Variants in SAGE1 observed in about 807,000 individuals in gnomAD.
SAGE1 encodes sarcoma antigen 1, also known as cancer/testis antigen 14.
SAGE1 carries 55 observed loss-of-function variants against 55.4 expected under a neutral mutation model. The ratio of observed to expected loss-of-function variants is 0.99; its 90% CI spans 0.80 to 1.24. SAGE1 has a LOEUF of 1.24. Among genes scored for constraint, SAGE1 ranks in the 50% most tolerant of loss-of-function variants. The pLI is 0.00. For missense variants in SAGE1, 710 were observed against 704.4 expected, an observed-to-expected ratio of 1.01 and a Z score of -0.09; for synonymous variants, 240 against 244.3, an observed-to-expected ratio of 0.98 and a Z score of 0.17.
chrX:135,904,118 T>C (rs1416435655), intron 3 of SAGE1, among the ~76,000 whole-genome samples: 3 of 111,567 alleles, frequency 2.7e-5, no homozygotes, highest in Non-Finnish European at 3.8e-5. Flanking sequence ...GAAGAGAAGG[T>C]AAAAAATGGC....
rs1433121636 is a variant in SAGE1, at chrX:135,912,895, T to TA, written c.2715dup. 28 of 1,158,179 alleles carry TA rather than the reference T, an allele frequency of 2.4e-5. No individual in the cohort carries two copies. Among genetic ancestry groups the TA allele is most frequent in the Non-Finnish European group, 3.1e-5 (26 of 849,628 alleles). The change falls in exon 20 of 20, where the codon TAA becomes TAAA. Residue 905 remains the stop codon, a frameshift_variant and stop_retained_variant. Coordinates refer to ENST00000370709, the MANE Select transcript of SAGE1 (RefSeq NM_001381902.1). LOFTEE classifies it high-confidence loss of function. ...LRKVKHMRKR[*] is the part of the protein sequence containing the mutation. Reference sequence around the variant, plus strand: ...AAAAGTTAAGCACATGAGAAAAAGATAATTGTGTTAGTGCAAAGACCAAGG... The same window carrying TA: ...AAAAGTTAAGCACATGAGAAAAAGATAAATTGTGTTAGTGCAAAGACCAAGG...
intron 1 of SAGE1, among the ~76,000 whole-genome samples, chrX:135,895,045 C>T (rs1556592571): frequency 1.8e-5 from 2 of 111,308 alleles, no homozygotes; most frequent in Non-Finnish European, 3.8e-5. Flanking sequence ...TTAACCAGCA[C>T]ATACACTATC....
intron 6 of SAGE1, 114 bp downstream of exon 6, chrX:135,906,278 G>T (rs1340092763): frequency 9.5e-7 from 1 of 1,056,280 alleles, no homozygotes; most frequent in Non-Finnish European, 1.3e-6. Context: ...AATCTGAGGG[G>T]TCTCACATCA....
At chrX:135,911,058 G>A in intron 16 of SAGE1, 134 bp from the exon 17 acceptor site, 1 of 672,207 alleles carries the variant, frequency 1.5e-6, no homozygotes, top group Non-Finnish European at 2.2e-6. Flanking sequence ...CAATTTCAGG[G>A]TCTCTGATTG....
intron 19 of SAGE1, 126 bp downstream of exon 19, chrX:135,912,540 A>G: frequency 8.6e-7 from 1 of 1,160,061 alleles, no homozygotes; most frequent in Non-Finnish European, 1.1e-6. Context: ...TGCTATTTCC[A>G]CAGGCATTTA....
chrX:135,901,337 A>G (rs1448983743), intron 2 of SAGE1, among the ~76,000 whole-genome samples: 1 of 111,189 alleles, frequency 9.0e-6, no homozygotes, highest in African/African-American at 3.3e-5. Flanking sequence ...TTGACTTTGG[A>G]TAACACCTTG....
intron 14 of SAGE1, 98 bp from the exon 15 acceptor site, chrX:135,909,932 T>C: frequency 1.1e-5 from 11 of 1,021,231 alleles, no homozygotes; most frequent in Non-Finnish European, 1.5e-5. Flanking sequence ...TCCGGCTTTA[T>C]GATATACTTT....
intron 2 of SAGE1, among the ~76,000 whole-genome samples, chrX:135,900,801 T>C (rs1306089301): frequency 9.0e-6 from 1 of 111,106 alleles, no homozygotes; most frequent in Non-Finnish European, 1.9e-5. Flanking sequence ...TCATTATCTA[T>C]ATGTATCATC....
Position 135,911,310 on chromosome X carries a change from A to G in SAGE1, c.2124A>G (p.Ser708=). ...GCINLSGAGI[S]CRSTRDLYAT... ...TTAATCTGTCAGGAGCTGGTATTTC[A>G]TGCAGAAGTACCAGGGATCTGTGTA... The change falls in exon 17 of 20, where the codon TCA becomes TCG. Residue 708 remains serine, a synonymous_variant. Coordinates refer to ENST00000370709, the MANE Select transcript of SAGE1 (RefSeq NM_001381902.1). The G allele has an allele frequency of 1.7e-6, 2 of 1,208,278 alleles. No individual in the cohort carries two copies. The highest frequency in any genetic ancestry group is 2.2e-6 in the Non-Finnish European group (2 of 893,121).
In SAGE1 at chrX:135,906,480, T is replaced by C. The variant is rs1603138444; in HGVS notation, c.665T>C (p.Leu222Ser). The change falls in exon 7 of 20, where the codon TTG becomes TCG. Residue 222 changes from leucine to serine, a missense_variant. Physicochemically the swap from Leu to Ser is moderately radical, Grantham distance 145. Transcript: ENST00000370709. ...ENVQPAPDNV[L>S]LTLRPRRINM... ...GTCCAACCAGCACCTGATAACGTGT[T>C]GTTGACTCTTCGACCACGGCGTATT... is the stretch of plus-strand genomic sequence containing the variant. 2.5e-6 allele frequency: 3 copies of C among 1,208,349 alleles called. No homozygotes were observed. The highest frequency in any genetic ancestry group is 2.2e-6 in the Non-Finnish European group (2 of 893,168).
intron 16 of SAGE1, 62 bp downstream of exon 16, chrX:135,910,617 A>T: frequency 9.5e-7 from 1 of 1,057,769 alleles, no homozygotes; most frequent in Non-Finnish European, 1.3e-6. Context: ...TATTTTCATG[A>T]ATGGTAGAAG....
Position 135,912,950 on chromosome X carries a change from A to G in SAGE1, c.*53A>G. On this transcript the variant is annotated 3_prime_UTR_variant, in exon 20 of 20. Coordinates refer to ENST00000370709, the MANE Select transcript of SAGE1 (RefSeq NM_001381902.1). ...ACAAGGACATATGCTGTAGGATGGAACAGGTTATTGCTGAAGCTCCCTATA... is the reference window on the plus strand; with the variant it reads ...ACAAGGACATATGCTGTAGGATGGAGCAGGTTATTGCTGAAGCTCCCTATA... The G allele has an allele frequency of 1.2e-6, 1 of 842,860 alleles. No homozygotes were observed. Among genetic ancestry groups the G allele is most frequent in the South Asian group, 2.3e-5 (1 of 42,632 alleles). 69.5% of individuals were successfully genotyped at this position (842,860 alleles called of 1,213,427 possible).
At chrX:135,903,899 T>A (rs2148081824) in intron 3 of SAGE1, among the ~76,000 whole-genome samples, 1 of 112,480 alleles carries the variant, frequency 8.9e-6, no homozygotes, top group South Asian at 3.7e-4. Context: ...GGTAAAAAGG[T>A]AGTTTTATTG....
chrX:135,900,162 G>T (rs1313527118), intron 2 of SAGE1, among the ~76,000 whole-genome samples: 3 of 111,045 alleles, frequency 2.7e-5, no homozygotes, highest in Non-Finnish European at 5.7e-5. Context: ...TTTGAGGTAT[G>T]TTCCTTCAAT....
intron 13 of SAGE1, 25 bp downstream of exon 13, chrX:135,909,029 G>A (rs781849066): frequency 3.4e-6 from 4 of 1,176,013 alleles, no homozygotes; most frequent in Non-Finnish European, 4.6e-6. Context: ...TAGTTGTACT[G>A]TCATACTTGG....
In SAGE1 at chrX:135,908,474, T is replaced by C. The variant is rs1367565801; in HGVS notation, c.1301-3T>C. The C allele has an allele frequency of 1.7e-6, 2 of 1,197,443 alleles. No individual in the cohort carries two copies. The highest frequency in any genetic ancestry group is 3.5e-5 in the African/African-American group (2 of 56,712). Reference sequence around the variant, plus strand: ...CAGCTCGACCTCTTTATTTGGTTTCTAGATGCTACCGTCAATCACCATGTC... The same window carrying C: ...CAGCTCGACCTCTTTATTTGGTTTCCAGATGCTACCGTCAATCACCATGTC... On this transcript the variant is annotated splice_polypyrimidine_tract_variant and splice_region_variant and intron_variant, in intron 11 of 19. Transcript: ENST00000370709.
In SAGE1 at chrX:135,908,634, GT is replaced by G. The variant is rs1556603966; in HGVS notation, c.1441+19del. 3 of 1,164,164 alleles carry G rather than the reference GT, an allele frequency of 2.6e-6. No individual in the cohort carries two copies. Among genetic ancestry groups the G allele is most frequent in the Admixed American group, 2.5e-5 (1 of 39,528 alleles). The stretch of plus-strand genomic sequence containing the variant: ...GGGATCTGTGTATGTGTGTTTTTTA[GT>G]TATACCATCCTCCTTGATTTCCATA... On this transcript the variant is annotated intron_variant, in intron 12 of 19. Transcript: ENST00000370709.
At chrX:135,910,659 A>T in intron 16 of SAGE1, 104 bp downstream of exon 16, 1 of 751,626 alleles carries the variant, frequency 1.3e-6, no homozygotes, top group Admixed American at 2.5e-5. Flanking sequence ...TCCTAGCCTC[A>T]GTTTGAGGGG....
At chrX:135,906,353 C>T in intron 6 of SAGE1, 58 bp from the exon 7 acceptor site, 1 of 1,166,458 alleles carries the variant, frequency 8.6e-7, no homozygotes, top group Non-Finnish European at 1.2e-6. Flanking sequence ...GAGGGATATA[C>T]TTGTGAGTTG....
Sources: allele counts gnomAD v4.1 joint callset (sites outside exome capture counted in the v4.1 genomes callset), GRCh38; gene constraint gnomAD v4.1.1; transcripts MANE v1.5; gene names NCBI Gene and HGNC (gene_info 2026-07-23, HGNC 2026-07-21).